ANKRD28: variants seen among roughly 807,000 people sequenced by gnomAD.
ANKRD28 encodes serine/threonine-protein phosphatase 6 regulatory ankyrin repeat subunit A.
Under a neutral mutation model 126.5 loss-of-function variants are expected in ANKRD28, and 44 were observed. That is an observed-to-expected ratio of 0.35 (90% CI 0.27 to 0.45). The LOEUF is 0.45. Ranked by LOEUF, ANKRD28 falls within the 20% of genes least tolerant of loss-of-function variation. The pLI, the probability that ANKRD28 is intolerant of heterozygous loss-of-function variation, is 1.00. For missense variants in ANKRD28, 1,110 were observed against 1,316.6 expected (o/e 0.84, Z 2.43); for synonymous variants, 442 against 468.5 (o/e 0.94, Z 0.73).
At chr3:15,695,733 T>C (rs1238083595) in intron 15 of ANKRD28, among the ~76,000 whole-genome samples, 1 of 152,060 alleles carries the variant, frequency 6.6e-6, no homozygotes, top group Non-Finnish European at 1.5e-5. Flanking sequence ...TCTCCCTTGT[T>C]AGGAGGGGTT....
intron 4 of ANKRD28, among the ~76,000 whole-genome samples, chr3:15,742,842 C>T (rs1387265647): frequency 1.4e-5 from 2 of 146,946 alleles, no homozygotes; most frequent in African/African-American, 5.0e-5. Flanking sequence ...GTGAGGAGCC[C>T]CTCTGCCCAG....
chr3:15,692,046 G>A (rs549049758), intron 17 of ANKRD28, among the ~76,000 whole-genome samples: 20 of 151,724 alleles, frequency 1.3e-4, no homozygotes, highest in Middle Eastern at 3.4e-3. Context: ...AGGCTGAGGC[G>A]GAAGTATCAC....
In ANKRD28 at chr3:15,675,973, C is replaced by T; in HGVS notation, c.2890G>A (p.Ala964Thr). ...AALQTPLHVA[A>T]RNGLTMVVQE... ...ACCACCATTGTTAGCCCATTTCGGG[C>T]AGCAACATGCAGAGGTCTAGGGGAA... The change falls in exon 27 of 28, where the codon GCC (alanine) becomes ACC (threonine). Residue 964 changes from alanine (A) to threonine (T), a missense_variant. Coordinates refer to ENST00000683139, the MANE Select transcript of ANKRD28 (RefSeq NM_001349278.2). 2 of 1,612,624 alleles carry T rather than the reference C, an allele frequency of 1.2e-6. No individual in the cohort carries two copies. The highest frequency in any genetic ancestry group is 1.1e-5 in the South Asian group (1 of 90,982).
chr3:15,787,846 T>C (rs1393335655), intron 2 of ANKRD28, among the ~76,000 whole-genome samples: 2 of 152,214 alleles, frequency 1.3e-5, no homozygotes, highest in East Asian at 3.8e-4. Flanking sequence ...ATCATTTCAA[T>C]GATTTCAGAA....
chr3:15,857,650 G>A (rs1181148660), intron 1 of ANKRD28, among the ~76,000 whole-genome samples: 1 of 152,198 alleles, frequency 6.6e-6, no homozygotes, highest in Non-Finnish European at 1.5e-5. Flanking sequence ...GACTGGAGTG[G>A]CATCACAATT....
intron 27 of ANKRD28, 62 bp from the exon 28 acceptor site, chr3:15,670,618 G>A: frequency 6.7e-7 from 1 of 1,499,240 alleles, no homozygotes; most frequent in Admixed American, 2.0e-5. Context: ...CAAAGACAAG[G>A]AAATAAGCCT....
intron 1 of ANKRD28, among the ~76,000 whole-genome samples, chr3:15,827,737 T>C (rs775123758): frequency 1.2e-4 from 18 of 152,146 alleles, no homozygotes; most frequent in Non-Finnish European, 2.4e-4. Context: ...AAAAGTTAAA[T>C]TGGACTTTGT....
intron 1 of ANKRD28, among the ~76,000 whole-genome samples, chr3:15,856,289 T>C (rs1423093276): frequency 6.6e-6 from 1 of 152,194 alleles, no homozygotes; most frequent in Admixed American, 6.5e-5. Context: ...TTATTTGCCA[T>C]GATGTCCACT....
rs76109417 is a variant in ANKRD28, at chr3:15,743,645, G to A, written c.352-6412C>T. 7.6e-3 allele frequency among the ~76,000 whole-genome samples: 1,150 copies of A among 150,940 alleles called. 11 individuals are homozygous for A. Among genetic ancestry groups the A allele is most frequent in the African/African-American group, 0.019 (771 of 41,002 alleles). Reference sequence around the variant, plus strand: ...TAATACTCGGATATCCATTTATTCAGAAAAATATGCAGTACTTACACAGAG... The same window carrying A: ...TAATACTCGGATATCCATTTATTCAAAAAAATATGCAGTACTTACACAGAG... On this transcript the variant is annotated intron_variant, in intron 4 of 27. Transcript: ENST00000683139.
intron 14 of ANKRD28, among the ~76,000 whole-genome samples, chr3:15,700,027 C>A (rs530301756): frequency 1.1e-4 from 17 of 152,180 alleles, no homozygotes; most frequent in Non-Finnish European, 2.2e-4. Flanking sequence ...AAATGTGGCA[C>A]ATATACACCA....
In ANKRD28 at chr3:15,694,827, G is replaced by C. The variant is rs897145799; in HGVS notation, c.1687-14C>G. On this transcript the variant is annotated splice_polypyrimidine_tract_variant and intron_variant, in intron 16 of 27. Transcript: ENST00000683139. ...GGTTTCCATTAACTGAAAAAGAAGA[G>C]GCATTTTAAATGTCAGAAAGACATA... 2 of 1,611,808 alleles carry C rather than the reference G, an allele frequency of 1.2e-6. No individual in the cohort carries two copies. The highest frequency in any genetic ancestry group is 1.7e-6 in the Non-Finnish European group (2 of 1,178,116).
intron 1 of ANKRD28, among the ~76,000 whole-genome samples, chr3:15,835,647 T>C (rs908378293): frequency 2.0e-5 from 3 of 152,206 alleles, no homozygotes; most frequent in Non-Finnish European, 2.9e-5. Context: ...TACTTAGAAA[T>C]TGACGTCTAC....
At chr3:15,768,815 G>A (rs777798203) in intron 2 of ANKRD28, among the ~76,000 whole-genome samples, 1 of 152,146 alleles carries the variant, frequency 6.6e-6, no homozygotes, top group Non-Finnish European at 1.5e-5. Flanking sequence ...ATGTTAAATT[G>A]TTCAGTAAGC....
At chr3:15,695,311 C>G in intron 15 of ANKRD28, 97 bp from the exon 16 acceptor site, 1 of 883,552 alleles carries the variant, frequency 1.1e-6, no homozygotes, top group Non-Finnish European at 1.8e-6. Flanking sequence ...TTACCCTAAA[C>G]CCGTGCTTCC....
At chr3:15,820,668 G>A (rs1376265887) in intron 1 of ANKRD28, among the ~76,000 whole-genome samples, 1 of 152,148 alleles carries the variant, frequency 6.6e-6, no homozygotes, top group African/African-American at 2.4e-5. Flanking sequence ...CAAAGACATT[G>A]AGGAATGGTA....
intron 4 of ANKRD28, among the ~76,000 whole-genome samples, chr3:15,750,429 C>T (rs2057784255): frequency 6.6e-6 from 1 of 152,100 alleles, no homozygotes; most frequent in Admixed American, 6.5e-5. Flanking sequence ...TCCAACATCG[C>T]ACAGCTGAAA....
intron 21 of ANKRD28, among the ~76,000 whole-genome samples, chr3:15,681,026 T>C (rs2125705570): frequency 1.3e-5 from 2 of 152,284 alleles, no homozygotes; most frequent in African/African-American, 4.8e-5. Context: ...GTGATATTGC[T>C]GTGGTAAAGG....
chr3:15,765,175 A>G (rs921527081), intron 3 of ANKRD28, among the ~76,000 whole-genome samples: 2 of 152,128 alleles, frequency 1.3e-5, no homozygotes, highest in Non-Finnish European at 2.9e-5. Context: ...GGCTATAACA[A>G]AAGTATTTCT....
chr3:15,672,096 G>C (rs1288419389), intron 27 of ANKRD28, among the ~76,000 whole-genome samples: 1 of 151,032 alleles, frequency 6.6e-6, no homozygotes, highest in African/African-American at 2.4e-5. Flanking sequence ...GTTGCTTCCA[G>C]TTCTCCCACA....
Sources: allele counts gnomAD v4.1 joint callset (sites outside exome capture counted in the v4.1 genomes callset), GRCh38; gene constraint gnomAD v4.1.1; transcripts MANE v1.5; gene names NCBI Gene and HGNC (gene_info 2026-07-23, HGNC 2026-07-21).